MAML2: variants seen among roughly 807,000 people sequenced by gnomAD.
The protein encoded by MAML2 is mastermind-like protein 2.
MAML2 carries 22 observed loss-of-function variants against 96.1 expected under a neutral mutation model. That is an observed-to-expected ratio of 0.23 (90% CI 0.16 to 0.33). The LOEUF (loss-of-function observed/expected upper bound fraction) is 0.33. MAML2 is among the 10% of genes least tolerant of loss of function. MAML2 has a pLI of 1.00. For synonymous variants in MAML2, 561 were observed against 521.3 expected (o/e 1.08, Z -1.04); for missense variants, 1,367 against 1,392.4 (o/e 0.98, Z 0.29).
intron 1 of MAML2, among the ~76,000 whole-genome samples, chr11:96,180,745 T>C (rs570971): frequency 0.89 from 134,881 of 152,150 alleles, 59,917 homozygotes; most frequent in Middle Eastern, 0.94. Flanking sequence ...TACCTTCATG[T>C]GTGTCCGTGT....
At chr11:96,058,215 T>G (rs1859099383) in intron 2 of MAML2, among the ~76,000 whole-genome samples, 1 of 152,234 alleles carries the variant, frequency 6.6e-6, no homozygotes, top group Non-Finnish European at 1.5e-5. Context: ...AGCTGGCCAG[T>G]GCCAGTCAGC....
At chr11:96,166,799 G>A (rs1433528860) in intron 1 of MAML2, among the ~76,000 whole-genome samples, 4 of 152,172 alleles carry the variant, frequency 2.6e-5, no homozygotes, top group Non-Finnish European at 4.4e-5. Flanking sequence ...ATAAAAACAA[G>A]GTGACTCCTC....
At chr11:96,022,974 T>C (rs1378547545) in intron 2 of MAML2, among the ~76,000 whole-genome samples, 2 of 152,082 alleles carry the variant, frequency 1.3e-5, no homozygotes, top group East Asian at 3.9e-4. Flanking sequence ...TGTCACATTA[T>C]AAAAAAATGA....
At chr11:96,025,870 A>G (rs1306202762) in intron 2 of MAML2, among the ~76,000 whole-genome samples, 1 of 152,120 alleles carries the variant, frequency 6.6e-6, no homozygotes, top group African/African-American at 2.4e-5. Context: ...CAAAAGTATA[A>G]ATTATTTTTT....
intron 1 of MAML2, among the ~76,000 whole-genome samples, chr11:96,281,879 A>C (rs747531749): frequency 6.2e-4 from 95 of 152,068 alleles, no homozygotes; most frequent in Admixed American, 1.4e-3. Context: ...AAAACAAAAC[A>C]AAAAACAACA....
chr11:96,100,735 C>CTTTTTTT (rs66593553), intron 1 of MAML2, among the ~76,000 whole-genome samples: 3 of 136,162 alleles, frequency 2.2e-5, no homozygotes, highest in Non-Finnish European at 3.1e-5. Context: ...GTCAAAATAG[C>CTTTTTTT]TTTTTTTTTT....
chr11:96,186,736 C>A (rs1324577925), intron 1 of MAML2, among the ~76,000 whole-genome samples: 1 of 152,180 alleles, frequency 6.6e-6, no homozygotes, highest in Non-Finnish European at 1.5e-5. Flanking sequence ...AGATGAGAAA[C>A]CGATAGAGAG....
At chr11:96,285,980 A>T (rs964607901) in intron 1 of MAML2, among the ~76,000 whole-genome samples, 2 of 152,196 alleles carry the variant, frequency 1.3e-5, no homozygotes, top group Non-Finnish European at 2.9e-5. Context: ...CTGGGTATAT[A>T]CCCAAAGGAA....
chr11:96,139,327 A>C (rs1357486737), intron 1 of MAML2, among the ~76,000 whole-genome samples: 3 of 152,040 alleles, frequency 2.0e-5, no homozygotes, highest in Non-Finnish European at 4.4e-5. Flanking sequence ...AATACAAAAA[A>C]TTAGCCGGGC....
At chr11:96,059,780 C>T (rs916684550) in intron 2 of MAML2, among the ~76,000 whole-genome samples, 1 of 152,144 alleles carries the variant, frequency 6.6e-6, no homozygotes, top group African/African-American at 2.4e-5. Context: ...TAGGGATACT[C>T]AACCTGCATT....
At chr11:96,079,586 T>C (rs1168921560) in intron 2 of MAML2, among the ~76,000 whole-genome samples, 2 of 152,226 alleles carry the variant, frequency 1.3e-5, no homozygotes, top group South Asian at 2.1e-4. Context: ...AGAAATGTCA[T>C]GGAGAAAGCA....
At chr11:96,333,627 T>C (rs980769416) in intron 1 of MAML2, among the ~76,000 whole-genome samples, 3 of 152,174 alleles carry the variant, frequency 2.0e-5, no homozygotes, top group Non-Finnish European at 4.4e-5. Flanking sequence ...CATCAAGGCA[T>C]GGAAATTTCA....
chr11:96,064,121 G>A (rs1017005378), intron 2 of MAML2, among the ~76,000 whole-genome samples: 3 of 152,096 alleles, frequency 2.0e-5, no homozygotes, highest in South Asian at 4.1e-4. Flanking sequence ...TAGTACCAAG[G>A]CTCCTAAGCA....
At chr11:96,301,491 A>C (rs1863387214) in intron 1 of MAML2, among the ~76,000 whole-genome samples, 1 of 152,174 alleles carries the variant, frequency 6.6e-6, no homozygotes, top group African/African-American at 2.4e-5. Context: ...TCTAGAGCAG[A>C]GCCGTCCCAC....
rs1308185011 is a variant in MAML2, at chr11:96,282,268, T to A, written c.513+59115A>T. On this transcript the variant is annotated intron_variant, in intron 1 of 4. Transcript: ENST00000524717. ...CATCTCAAAAAAAAAATAATAATAA[T>A]AATAATAATAATGACTGCATGTATG... Among the ~76,000 whole-genome samples, 46 of 149,810 alleles carry A rather than the reference T, an allele frequency of 3.1e-4. 1 individual carries two copies. Among genetic ancestry groups the A allele is most frequent in the East Asian group, 3.9e-4 (2 of 5,106 alleles).
intron 1 of MAML2, among the ~76,000 whole-genome samples, chr11:96,124,784 C>T (rs973954314): frequency 3.3e-5 from 5 of 152,098 alleles, no homozygotes; most frequent in East Asian, 1.9e-4. Context: ...GAAGGACCAC[C>T]GATCAGGAAA....
intron 1 of MAML2, among the ~76,000 whole-genome samples, chr11:96,146,016 A>T (rs185521332): frequency 6.6e-6 from 1 of 152,236 alleles, no homozygotes; most frequent in East Asian, 1.9e-4. Context: ...CTCAAAAAAA[A>T]AAATTGTATA....
At position 95,978,561 on chromosome 11, in the gene MAML2, TG is replaced by T. The variant is rs918764985; in HGVS notation, c.*386del. 110 of 235,572 alleles carry T rather than the reference TG, an allele frequency of 4.7e-4. No individual in the cohort carries two copies. The highest frequency in any genetic ancestry group is 9.9e-5 in the Non-Finnish European group (12 of 120,690). The allele number at this position is 235,572 out of a possible 1,614,324, so 14.6% of individuals were successfully genotyped here. A position where few individuals can be genotyped will look rare whatever the true frequency, so the allele number is the denominator to read the frequency against. On this transcript the variant is annotated 3_prime_UTR_variant, in exon 5 of 5. Transcript: ENST00000524717. ...AGAGCAAATTAAGGAGTTTGTTGCT[TG>T]GAACTAGTACCTCCTCATGACATGG...
In MAML2 at chr11:96,093,252, A is replaced by G; in HGVS notation, c.779T>C (p.Met260Thr). 1.9e-6 allele frequency: 3 copies of G among 1,614,058 alleles called. No individual in the cohort carries two copies. The highest frequency in any genetic ancestry group is 2.5e-6 in the Non-Finnish European group (3 of 1,179,902). The change falls in exon 2 of 5, where the codon ATG becomes ACG. Residue 260 changes from methionine (M) to threonine (T), a missense_variant. Transcript: ENST00000524717. ...THSPGNGLFN[M>T]GLKEVKKEPG... is the part of the protein sequence containing the mutation. ...CTCCTTCTTTACCTCCTTTAAGCCC[A>G]TGTTAAACAGGCCATTGCCAGGAGA...
Sources: allele counts gnomAD v4.1 joint callset (sites outside exome capture counted in the v4.1 genomes callset), GRCh38; gene constraint gnomAD v4.1.1; transcripts MANE v1.5; gene names NCBI Gene and HGNC (gene_info 2026-07-23, HGNC 2026-07-21).